HMGA2: variants seen among roughly 807,000 people sequenced by gnomAD.
HMGA2 encodes high mobility group AT-hook 2.
In HMGA2, 8 loss-of-function variants were observed where a neutral mutation model predicts 19.1. That is an observed-to-expected ratio of 0.42 (90% CI 0.25 to 0.76). The LOEUF is 0.76. HMGA2 is among the 30% of genes least tolerant of loss of function. The probability of loss-of-function intolerance (pLI) is 0.28; values close to 1 mark genes in which losing one functional copy is unlikely to be tolerated. For missense variants in HMGA2, 109 were observed against 136.3 expected (o/e 0.80, Z 1.00); for synonymous variants, 60 against 48.8 (o/e 1.23, Z -0.96).
At chr12:65,926,328 T>C (rs1193962710) in intron 3 of HMGA2, among the ~76,000 whole-genome samples, 2 of 152,250 alleles carry the variant, frequency 1.3e-5, no homozygotes, top group Non-Finnish European at 1.5e-5. Flanking sequence ...AGGATTTATC[T>C]GCATTTGGCA....
intron 3 of HMGA2, among the ~76,000 whole-genome samples, chr12:65,873,405 G>T (rs900277640): frequency 6.6e-6 from 1 of 151,890 alleles, no homozygotes; most frequent in Non-Finnish European, 1.5e-5. Flanking sequence ...TATTTTTTTC[G>T]TACTGAATCT....
chr12:65,830,387 G>T (rs1870427658), intron 2 of HMGA2, among the ~76,000 whole-genome samples: 1 of 151,882 alleles, frequency 6.6e-6, no homozygotes, highest in Admixed American at 6.6e-5. Context: ...TTTAGAAAAA[G>T]TTATATTGTT....
rs112942617 is a variant in HMGA2 at position 65,944,907 on chromosome 12, T to G, written c.250-6476T>G. ...TCAGAGTCTTGCTATGTTGCCCATA[T>G]TGGAATGCAGTGACTACTCACAGGT... On this transcript the variant is annotated intron_variant, in intron 3 of 4. Transcript: ENST00000403681. 2.7e-4 allele frequency among the ~76,000 whole-genome samples: 41 copies of G among 152,240 alleles called. 1 individual carries two copies. The highest frequency in any genetic ancestry group is 9.9e-4 in the African/African-American group (41 of 41,554).
chr12:65,932,589 A>G (rs1272684708), intron 3 of HMGA2, among the ~76,000 whole-genome samples: 1 of 152,266 alleles, frequency 6.6e-6, no homozygotes, highest in Non-Finnish European at 1.5e-5. Flanking sequence ...CAATTCTATA[A>G]ACCTTAATTT....
At chr12:65,832,581 T>C (rs1870526140) in intron 2 of HMGA2, among the ~76,000 whole-genome samples, 1 of 152,048 alleles carries the variant, frequency 6.6e-6, no homozygotes, top group South Asian at 2.1e-4. Flanking sequence ...GTCTTGTTAG[T>C]TGACTTTCTG....
At chr12:65,937,879 C>T (rs1306926974) in intron 3 of HMGA2, among the ~76,000 whole-genome samples, 2 of 152,206 alleles carry the variant, frequency 1.3e-5, no homozygotes, top group African/African-American at 4.8e-5. Context: ...CCCTCAAAGA[C>T]AAACCAGCAC....
Position 65,960,878 on chromosome 12 carries a change from A to G in HMGA2, c.283-2367A>G, listed in dbSNP as rs527465268. ...CACCATTTTCATCTGAATTGTGTCTAAAGGGTTGGAATTCAGGAGTTTCAG... is the reference window on the plus strand; with the variant it reads ...CACCATTTTCATCTGAATTGTGTCTGAAGGGTTGGAATTCAGGAGTTTCAG... On this transcript the variant is annotated intron_variant, in intron 4 of 4. Transcript: ENST00000403681. 3.3e-5 allele frequency among the ~76,000 whole-genome samples: 5 copies of G among 152,308 alleles called. No individual in the cohort carries two copies. The South Asian group carries it at 1.0e-3, about 32-fold the overall frequency.
intron 3 of HMGA2, among the ~76,000 whole-genome samples, chr12:65,888,858 C>T (rs531560967): frequency 6.6e-4 from 98 of 147,664 alleles, no homozygotes; most frequent in Non-Finnish European, 1.2e-3. Context: ...CCACGGCGCC[C>T]GGCCCCGTGG....
chr12:65,852,336 A>T (rs2120931668), intron 3 of HMGA2, among the ~76,000 whole-genome samples: 1 of 151,980 alleles, frequency 6.6e-6, no homozygotes, highest in South Asian at 2.1e-4. Context: ...ATCTCTACTA[A>T]AGAAAAAAAT....
At chr12:65,847,150 G>A (rs1190769534) in intron 3 of HMGA2, among the ~76,000 whole-genome samples, 2 of 151,726 alleles carry the variant, frequency 1.3e-5, no homozygotes, top group African/African-American at 2.4e-5. Flanking sequence ...GTGTGCCTGG[G>A]GTTACATTCT....
At chr12:65,875,002 C>A (rs9668162) in intron 3 of HMGA2, among the ~76,000 whole-genome samples, 1 of 152,038 alleles carries the variant, frequency 6.6e-6, no homozygotes, top group Non-Finnish European at 1.5e-5. Context: ...CCCGCCCCCC[C>A]AGTAATACCC....
At chr12:65,836,579 G>A (rs1308603739) in intron 2 of HMGA2, among the ~76,000 whole-genome samples, 3 of 152,116 alleles carry the variant, frequency 2.0e-5, no homozygotes, top group African/African-American at 7.2e-5. Flanking sequence ...AGCAGGAATT[G>A]GAATCTAAGC....
chr12:65,949,310 G>A (rs1876375077), intron 3 of HMGA2, among the ~76,000 whole-genome samples: 1 of 151,836 alleles, frequency 6.6e-6, no homozygotes, highest in Non-Finnish European at 1.5e-5. Context: ...TTTTTATATG[G>A]AATTTTTAAT....
intron 3 of HMGA2, among the ~76,000 whole-genome samples, chr12:65,888,624 C>T (rs552016831): frequency 2.8e-5 from 3 of 107,634 alleles, no homozygotes; most frequent in East Asian, 3.1e-4. Flanking sequence ...AGTGCAGTGG[C>T]GCGATCTCTG....
At chr12:65,931,430 G>A (rs543010666) in intron 3 of HMGA2, among the ~76,000 whole-genome samples, 85 of 151,964 alleles carry the variant, frequency 5.6e-4, no homozygotes, top group Admixed American at 1.0e-3. Flanking sequence ...ACTATGTAAA[G>A]CAATCAAATG....
chr12:65,906,029 C>T (rs1338805858), intron 3 of HMGA2, among the ~76,000 whole-genome samples: 1 of 152,186 alleles, frequency 6.6e-6, no homozygotes, highest in African/African-American at 2.4e-5. Context: ...AAACAGCGAA[C>T]AAGCTGCATT....
chr12:65,921,398 G>A (rs558521172), intron 3 of HMGA2, among the ~76,000 whole-genome samples: 9 of 152,088 alleles, frequency 5.9e-5, no homozygotes, highest in Admixed American at 2.6e-4. Context: ...ACAGGTGCCC[G>A]TCACCATGCC....
At chr12:65,906,315 G>T (rs1180117482) in intron 3 of HMGA2, among the ~76,000 whole-genome samples, 1 of 152,132 alleles carries the variant, frequency 6.6e-6, no homozygotes, top group African/African-American at 2.4e-5. Flanking sequence ...GGACTGTCAG[G>T]GGTCACTTGG....
chr12:65,952,334 ACC>A, intron 4 of HMGA2: 1 of 1,524,352 alleles, frequency 6.6e-7, no homozygotes, highest in Non-Finnish European at 8.8e-7. Flanking sequence ...TTACAAATCT[ACC>A]TTGCATCCTG....
Sources: allele counts gnomAD v4.1 joint callset (sites outside exome capture counted in the v4.1 genomes callset), GRCh38; gene constraint gnomAD v4.1.1; transcripts MANE v1.5; gene names NCBI Gene and HGNC (gene_info 2026-07-23, HGNC 2026-07-21).